The following CPEB3 variants were observed in gnomAD, a reference collection of about 807,000 sequenced individuals.
The protein encoded by CPEB3 is cytoplasmic polyadenylation element-binding protein 3.
Under a neutral mutation model 67.2 loss-of-function variants are expected in CPEB3, and 20 were observed. That is an observed-to-expected ratio of 0.30 (90% CI 0.21 to 0.43). The LOEUF is 0.43. Ranked by LOEUF, CPEB3 falls within the 20% of genes least tolerant of loss-of-function variation. CPEB3 has a pLI of 1.00. For synonymous variants in CPEB3, 376 were observed against 393.1 expected (o/e 0.96, Z 0.51); for missense variants, 746 against 968.6 (o/e 0.77, Z 3.05).
intron 1 of CPEB3, among the ~76,000 whole-genome samples, chr10:92,266,049 C>T (rs1375375893): frequency 1.3e-5 from 2 of 152,046 alleles, no homozygotes; most frequent in Non-Finnish European, 2.9e-5. Context: ...TTAGTGCCCT[C>T]GACATGTGAT....
chr10:92,184,115 G>A (rs1213984558), intron 3 of CPEB3, among the ~76,000 whole-genome samples: 2 of 152,092 alleles, frequency 1.3e-5, no homozygotes, highest in African/African-American at 2.4e-5. Flanking sequence ...ATTCTCTATC[G>A]TACGCTGATT....
intron 4 of CPEB3, among the ~76,000 whole-genome samples, chr10:92,158,857 G>A (rs569288297): frequency 4.6e-5 from 7 of 152,206 alleles, no homozygotes; most frequent in Non-Finnish European, 7.3e-5. Flanking sequence ...GTGGTATCAT[G>A]TATCACTAAA....
At chr10:92,057,763 C>G (rs575961430) in intron 9 of CPEB3, among the ~76,000 whole-genome samples, 89 of 152,206 alleles carry the variant, frequency 5.8e-4, no homozygotes, top group Non-Finnish European at 1.2e-3. Context: ...AGAGACTGTT[C>G]GTTTGGGAAA....
At chr10:92,129,189 A>G (rs1201786256) in intron 6 of CPEB3, among the ~76,000 whole-genome samples, 1 of 152,224 alleles carries the variant, frequency 6.6e-6, no homozygotes, top group African/African-American at 2.4e-5. Flanking sequence ...TGTCCTTTGC[A>G]GGAACACAGA....
At chr10:92,253,449 ACT>A (rs929399854) in intron 1 of CPEB3, among the ~76,000 whole-genome samples, 1 of 131,210 alleles carries the variant, frequency 7.6e-6, no homozygotes, top group African/African-American at 3.1e-5. Flanking sequence ...ACAGAGCAAG[ACT>A]CTGTCTCAAA....
At chr10:92,204,475 G>C (rs1405170534) in intron 2 of CPEB3, among the ~76,000 whole-genome samples, 3 of 152,152 alleles carry the variant, frequency 2.0e-5, no homozygotes, top group Non-Finnish European at 2.9e-5. Flanking sequence ...CAGATTAAGA[G>C]CTACAGACTA....
intron 2 of CPEB3, among the ~76,000 whole-genome samples, chr10:92,221,571 G>A (rs763453616): frequency 2.0e-4 from 30 of 152,184 alleles, no homozygotes; most frequent in Non-Finnish European, 4.4e-5. Flanking sequence ...CTTTGCTGCT[G>A]TGGTCTGAAT....
intron 2 of CPEB3, among the ~76,000 whole-genome samples, chr10:92,212,287 TACA>T (rs957642866): frequency 9.3e-5 from 14 of 150,078 alleles, no homozygotes; most frequent in African/African-American, 3.4e-4. Flanking sequence ...CAAGACAGTG[TACA>T]ACAAGACAGT....
intron 6 of CPEB3, among the ~76,000 whole-genome samples, chr10:92,131,643 C>T (rs1449248467): frequency 1.3e-5 from 2 of 152,100 alleles, no homozygotes; most frequent in Non-Finnish European, 2.9e-5. Flanking sequence ...GCATTTGACA[C>T]AATAGAGGGA....
chr10:92,258,626 A>C (rs1852628802), intron 1 of CPEB3, among the ~76,000 whole-genome samples: 1 of 86,312 alleles, frequency 1.2e-5, no homozygotes, highest in African/African-American at 5.2e-5. Context: ...TATTTTTTGA[A>C]TATATATATA....
chr10:92,193,806 C>CT (rs999209187), intron 2 of CPEB3, among the ~76,000 whole-genome samples: 1 of 140,628 alleles, frequency 7.1e-6, no homozygotes, highest in Non-Finnish European at 1.6e-5. Flanking sequence ...TTTTTTTTTT[C>CT]TTTTTTTTAA....
intron 6 of CPEB3, among the ~76,000 whole-genome samples, chr10:92,129,358 GGGA>G (rs976676985): frequency 5.3e-5 from 8 of 152,230 alleles, no homozygotes; most frequent in African/African-American, 1.7e-4. Context: ...GGTGGAGGGT[GGGA>G]GGAGGGAGAG....
At chr10:92,256,234 AGTG>A (rs1265982784) in intron 1 of CPEB3, among the ~76,000 whole-genome samples, 1 of 152,008 alleles carries the variant, frequency 6.6e-6, no homozygotes, top group African/African-American at 2.4e-5. Flanking sequence ...GAACTACAGC[AGTG>A]ATCTCCTAAT....
At chr10:92,271,493 C>G (rs1853306257) in intron 1 of CPEB3, among the ~76,000 whole-genome samples, 1 of 152,154 alleles carries the variant, frequency 6.6e-6, no homozygotes, top group Non-Finnish European at 1.5e-5. Flanking sequence ...TCTTTCATGA[C>G]CTTGACACTT....
intron 9 of CPEB3, among the ~76,000 whole-genome samples, chr10:92,071,416 A>T (rs1842748229): frequency 6.6e-6 from 1 of 152,038 alleles, no homozygotes; most frequent in Admixed American, 6.6e-5. Context: ...GGGATATTCA[A>T]CTGATTCTAC....
intron 9 of CPEB3, among the ~76,000 whole-genome samples, chr10:92,075,802 A>G (rs1263468743): frequency 1.3e-5 from 2 of 152,264 alleles, no homozygotes; most frequent in Non-Finnish European, 2.9e-5. Flanking sequence ...AACACTCCAT[A>G]TAAAAGCTTC....
chr10:92,198,547 C>T (rs1160026007), intron 2 of CPEB3, among the ~76,000 whole-genome samples: 2 of 152,182 alleles, frequency 1.3e-5, no homozygotes, highest in Non-Finnish European at 2.9e-5. Context: ...TAGCTTATAC[C>T]TAGACATTTC....
At chr10:92,076,720 T>C (rs78484707) in intron 9 of CPEB3, among the ~76,000 whole-genome samples, 2,169 of 151,952 alleles carry the variant, frequency 0.014, 50 homozygotes, top group African/African-American at 0.048. Context: ...GGCCTACTCA[T>C]GTTTGTTGAT....
rs754423428 is a variant in CPEB3 at position 92,217,248 on chromosome 10, TACACACACACAC to T, written c.1005+22086_1005+22097del. On this transcript the variant is annotated intron_variant, in intron 2 of 9. Coordinates refer to ENST00000265997, the MANE Select transcript of CPEB3 (RefSeq NM_014912.5). ...AAAAAAAAAAAATTATATATATATA[TACACACACACAC>T]ACACACACACACATATATATATGCA... is the stretch of plus-strand genomic sequence containing the variant. 1.1e-3 allele frequency among the ~76,000 whole-genome samples: 135 copies of T among 127,276 alleles called. 1 individual carries two copies. Among genetic ancestry groups the T allele is most frequent in the Non-Finnish European group, 1.9e-3 (123 of 64,404 alleles). The allele number at this position is 127,276 out of a possible 152,430, so 83.5% of individuals were successfully genotyped here.
Sources: allele counts gnomAD v4.1 joint callset (sites outside exome capture counted in the v4.1 genomes callset), GRCh38; gene constraint gnomAD v4.1.1; transcripts MANE v1.5; gene names NCBI Gene and HGNC (gene_info 2026-07-23, HGNC 2026-07-21).